The following PRKD1 variants were observed in gnomAD, a reference collection of about 807,000 sequenced individuals.
PRKD1 encodes serine/threonine-protein kinase D1.
Under a neutral mutation model 95.9 loss-of-function variants are expected in PRKD1, and 63 were observed. The ratio of observed to expected loss-of-function variants is 0.66; its 90% CI spans 0.54 to 0.81. The LOEUF (loss-of-function observed/expected upper bound fraction) is 0.81. PRKD1 is among the 30% of genes least tolerant of loss of function. PRKD1 has a pLI of 0.00. For missense variants in PRKD1, 1,048 were observed against 1,165.3 expected (o/e 0.90, Z 1.47); for synonymous variants, 425 against 423.1 (o/e 1.00, Z -0.05).
chr14:29,910,886 G>A (rs1309182976), intron 1 of PRKD1, among the ~76,000 whole-genome samples: 1 of 152,088 alleles, frequency 6.6e-6, no homozygotes. Context: ...GAGCCAATAA[G>A]ACAACTGCAA....
chr14:29,865,936 C>A (rs978457626), intron 1 of PRKD1, among the ~76,000 whole-genome samples: 3 of 152,108 alleles, frequency 2.0e-5, no homozygotes, highest in African/African-American at 7.2e-5. Flanking sequence ...TAATAATTGA[C>A]AATTCAGGTT....
intron 2 of PRKD1, among the ~76,000 whole-genome samples, chr14:29,678,251 C>G (rs1025101665): frequency 2.6e-5 from 4 of 152,150 alleles, no homozygotes; most frequent in African/African-American, 9.7e-5. Context: ...TTATGTACAA[C>G]TTTGCTACTA....
At chr14:29,704,011 T>C (rs1407975061) in intron 2 of PRKD1, among the ~76,000 whole-genome samples, 1 of 152,146 alleles carries the variant, frequency 6.6e-6, no homozygotes, top group Non-Finnish European at 1.5e-5. Context: ...AAAACACAGA[T>C]CTTATATTTG....
At chr14:29,822,748 T>C (rs527677698) in intron 1 of PRKD1, among the ~76,000 whole-genome samples, 26 of 152,216 alleles carry the variant, frequency 1.7e-4, no homozygotes, top group Non-Finnish European at 1.3e-4. Context: ...CTGGAAACTA[T>C]TCTGTTTAGG....
chr14:29,599,377 A>C (rs1045451254), intron 14 of PRKD1, among the ~76,000 whole-genome samples: 1 of 152,212 alleles, frequency 6.6e-6, no homozygotes, highest in Non-Finnish European at 1.5e-5. Flanking sequence ...ACCCATTCTT[A>C]AATATTCTCA....
chr14:29,745,911 A>C (rs1287093576), intron 1 of PRKD1, among the ~76,000 whole-genome samples: 2 of 152,198 alleles, frequency 1.3e-5, no homozygotes, highest in African/African-American at 2.4e-5. Context: ...TGAACAGATT[A>C]TCTCTCTTCC....
intron 16 of PRKD1, among the ~76,000 whole-genome samples, chr14:29,583,875 T>G (rs746225140): frequency 2.0e-5 from 3 of 152,218 alleles, no homozygotes; most frequent in Non-Finnish European, 4.4e-5. Flanking sequence ...CTACAATAAA[T>G]TTTTGGCTAA....
intron 1 of PRKD1, among the ~76,000 whole-genome samples, chr14:29,732,526 T>TA (rs1457365480): frequency 1.3e-5 from 2 of 152,234 alleles, no homozygotes; most frequent in Middle Eastern, 3.4e-3. Flanking sequence ...ATGTTTAAAA[T>TA]AAAAAAGTAT....
chr14:29,729,057 T>A (rs577873480), intron 1 of PRKD1, among the ~76,000 whole-genome samples: 7 of 152,298 alleles, frequency 4.6e-5, no homozygotes, highest in Non-Finnish European at 7.4e-5. Flanking sequence ...CATGTATTTC[T>A]TTATAGACCA....
chr14:29,793,569 C>T (rs1316258661), intron 1 of PRKD1, among the ~76,000 whole-genome samples: 1 of 152,014 alleles, frequency 6.6e-6, no homozygotes, highest in Non-Finnish European at 1.5e-5. Flanking sequence ...TGGTTTCTTA[C>T]ATTGAAATGG....
At chr14:29,697,041 A>G (rs552897678) in intron 2 of PRKD1, among the ~76,000 whole-genome samples, 1 of 152,144 alleles carries the variant, frequency 6.6e-6, no homozygotes, top group Admixed American at 6.6e-5. Context: ...TGAAATCTCT[A>G]TAATTTTTTC....
intron 1 of PRKD1, among the ~76,000 whole-genome samples, chr14:29,771,298 C>A (rs1244209847): frequency 6.6e-6 from 1 of 152,152 alleles, no homozygotes; most frequent in Non-Finnish European, 1.5e-5. Context: ...CTGCCCCTCT[C>A]ATCACAGGCC....
intron 1 of PRKD1, among the ~76,000 whole-genome samples, chr14:29,920,572 A>G (rs192055174): frequency 8.1e-5 from 12 of 147,840 alleles, no homozygotes; most frequent in African/African-American, 2.8e-4. Context: ...AGCTTATTCA[A>G]TGATTCCAGT....
At chr14:29,621,040 G>A (rs1410221493) in intron 13 of PRKD1, among the ~76,000 whole-genome samples, 5 of 151,804 alleles carry the variant, frequency 3.3e-5, no homozygotes, top group Admixed American at 2.6e-4. Flanking sequence ...GTCCTTTGTA[G>A]GGACATGGAT....
At chr14:29,796,525 G>A (rs917882253) in intron 1 of PRKD1, among the ~76,000 whole-genome samples, 1 of 152,104 alleles carries the variant, frequency 6.6e-6, no homozygotes, top group African/African-American at 2.4e-5. Flanking sequence ...CATATTTAAT[G>A]TCATGAGACT....
chr14:29,870,772 C>A (rs1292097500), intron 1 of PRKD1, among the ~76,000 whole-genome samples: 2 of 152,016 alleles, frequency 1.3e-5, no homozygotes, highest in African/African-American at 4.8e-5. Context: ...ATTTAAAACT[C>A]AGTGTAATAA....
chr14:29,837,783 T>G (rs948167831), intron 1 of PRKD1, among the ~76,000 whole-genome samples: 1 of 152,244 alleles, frequency 6.6e-6, no homozygotes. Flanking sequence ...TAAGGTTTGC[T>G]AACTGTACTT....
chr14:29,847,103 T>C (rs1376263888), intron 1 of PRKD1, among the ~76,000 whole-genome samples: 1 of 152,168 alleles, frequency 6.6e-6, no homozygotes, highest in Middle Eastern at 3.2e-3. Context: ...TGTCTAACAT[T>C]ATGCATTAGC....
At chr14:29,750,616 G>GCGCGCACACACACACACA (rs72239992) in intron 1 of PRKD1, among the ~76,000 whole-genome samples, 25 of 148,480 alleles carry the variant, frequency 1.7e-4, no homozygotes, top group African/African-American at 5.0e-4. Context: ...ATGAACGCGC[G>GCGCGCACACACACACACA]CACACACACA....
Sources: allele counts gnomAD v4.1 joint callset (sites outside exome capture counted in the v4.1 genomes callset), GRCh38; gene constraint gnomAD v4.1.1; transcripts MANE v1.5; gene names NCBI Gene and HGNC (gene_info 2026-07-23, HGNC 2026-07-21).